PPARGC1A: variants seen among roughly 807,000 people sequenced by gnomAD.
PPARGC1A encodes the protein PPARG coactivator 1 alpha, also known as peroxisome proliferator-activated receptor gamma coactivator 1-alpha.
Under a neutral mutation model 88.7 loss-of-function variants are expected in PPARGC1A, and 25 were observed. The ratio of observed to expected loss-of-function variants is 0.28; its 90% CI spans 0.21 to 0.39. The LOEUF (loss-of-function observed/expected upper bound fraction) is 0.39. Ranked by LOEUF, PPARGC1A falls within the 10% of genes least tolerant of loss-of-function variation. PPARGC1A has a pLI of 1.00. For synonymous variants in PPARGC1A, 363 were observed against 355.6 expected (o/e 1.02, Z -0.24); for missense variants, 880 against 968.7 (o/e 0.91, Z 1.22).
At chr4:23,801,212 CAT>C (rs1012929130) in intron 12 of PPARGC1A, among the ~76,000 whole-genome samples, 4 of 137,558 alleles carry the variant, frequency 2.9e-5, no homozygotes, top group South Asian at 2.4e-4. Context: ...CACACACACA[CAT>C]GAATCATAAA....
intron 2 of PPARGC1A, among the ~76,000 whole-genome samples, chr4:23,834,895 C>A (rs559278034): frequency 6.6e-6 from 1 of 152,210 alleles, no homozygotes; most frequent in East Asian, 1.9e-4. Context: ...AAAAAATCAT[C>A]TCAAAGTCAT....
At chr4:23,889,063 C>A in intron 1 of PPARGC1A, 1 of 985,354 alleles carries the variant, frequency 1.0e-6, no homozygotes. Flanking sequence ...CCAGAGATTA[C>A]GAGGAAACTG....
At chr4:23,973,518 TG>T in the PPARGC1A span, among the ~76,000 whole-genome samples, 1 of 152,244 alleles carries the variant, frequency 6.6e-6, no homozygotes, top group Admixed American at 6.5e-5. Context: ...TATGTTTCTA[TG>T]GTGTTTGATG....
At chr4:24,067,992 A>G in the PPARGC1A span, among the ~76,000 whole-genome samples, 2 of 151,972 alleles carry the variant, frequency 1.3e-5, no homozygotes, top group Non-Finnish European at 2.9e-5. Flanking sequence ...GTGAGCACAT[A>G]TGTGTGTGCT....
At chr4:23,976,978 A>G in the PPARGC1A span, among the ~76,000 whole-genome samples, 898 of 152,092 alleles carry the variant, frequency 5.9e-3, 6 homozygotes, top group African/African-American at 0.02. Context: ...GAAAAGGAAG[A>G]AGGAGGAGGA....
At chr4:24,202,640 C>T in the PPARGC1A span, among the ~76,000 whole-genome samples, 67 of 152,268 alleles carry the variant, frequency 4.4e-4, no homozygotes, top group Non-Finnish European at 7.6e-4. Context: ...TGAGTCAACT[C>T]TCTTCTTCCT....
chr4:23,852,437 C>T (rs1729465568), intron 2 of PPARGC1A, among the ~76,000 whole-genome samples: 1 of 147,422 alleles, frequency 6.8e-6, no homozygotes, highest in Non-Finnish European at 1.5e-5. Context: ...ACCCCTACAG[C>T]CCTGACATAG....
chr4:23,958,923 A>T, the PPARGC1A span, among the ~76,000 whole-genome samples: 2 of 151,748 alleles, frequency 1.3e-5, no homozygotes, highest in African/African-American at 4.8e-5. Flanking sequence ...TAAAGGGCTT[A>T]TTCATATTGA....
At chr4:24,251,125 A>G in the PPARGC1A span, among the ~76,000 whole-genome samples, 1 of 152,368 alleles carries the variant, frequency 6.6e-6, no homozygotes, top group African/African-American at 2.4e-5. Context: ...TGCTAGTTAT[A>G]GCTTCCTAGT....
At chr4:23,958,996 C>T in the PPARGC1A span, among the ~76,000 whole-genome samples, 1 of 142,054 alleles carries the variant, frequency 7.0e-6, no homozygotes, top group African/African-American at 2.6e-5. Flanking sequence ...TTAGCTAGTA[C>T]TCTTGATGTA....
chr4:24,454,353 TA>T, the PPARGC1A span, among the ~76,000 whole-genome samples: 29 of 152,090 alleles, frequency 1.9e-4, no homozygotes, highest in Admixed American at 1.8e-3. Context: ...TAGTTTTTGG[TA>T]CACTGAAAAA....
chr4:24,077,145 G>T, the PPARGC1A span, among the ~76,000 whole-genome samples: 2 of 152,176 alleles, frequency 1.3e-5, no homozygotes, highest in Admixed American at 6.5e-5. Flanking sequence ...CAGGCATTCT[G>T]CACAGCTGAC....
At position 23,835,466 on chromosome 4, in the gene PPARGC1A, TTGTGTGTGTGTGTG is replaced by T. The variant is rs145407468; in HGVS notation, c.235-3729_235-3716del. 1.7e-4 allele frequency among the ~76,000 whole-genome samples: 23 copies of T among 135,368 alleles called. 1 individual carries two copies. The South Asian group carries it at 2.9e-3, about 17-fold the overall frequency. 88.8% of individuals were successfully genotyped at this position (135,368 alleles called of 152,430 possible). A position where few individuals can be genotyped will look rare whatever the true frequency, so the allele number is the denominator to read the frequency against. Reference sequence around the variant, plus strand: ...TAAGATGGGAGATTAGCATGGCGGCTTGTGTGTGTGTGTGTGTGTGTGTGTGTGTGTGTGTGTGT... The same window carrying T: ...TAAGATGGGAGATTAGCATGGCGGCTTGTGTGTGTGTGTGTGTGTGTGTGT... On this transcript the variant is annotated intron_variant, in intron 2 of 12. Coordinates refer to ENST00000264867, the MANE Select transcript of PPARGC1A (RefSeq NM_013261.5).
At chr4:23,818,568 T>C (rs923028066) in intron 7 of PPARGC1A, among the ~76,000 whole-genome samples, 1 of 152,034 alleles carries the variant, frequency 6.6e-6, no homozygotes, top group Non-Finnish European at 1.5e-5. Context: ...ATGTGCTCCA[T>C]AATAAACAAG....
At chr4:23,874,962 A>G (rs896253118) in intron 2 of PPARGC1A, among the ~76,000 whole-genome samples, 4 of 152,264 alleles carry the variant, frequency 2.6e-5, no homozygotes, top group African/African-American at 4.8e-5. Context: ...CTAAAGCTAG[A>G]TATCAAAAAT....
At chr4:23,980,045 C>T in the PPARGC1A span, among the ~76,000 whole-genome samples, 14 of 152,056 alleles carry the variant, frequency 9.2e-5, no homozygotes, top group African/African-American at 2.4e-4. Context: ...CCTCAGAAGA[C>T]CCTGGCCCTT....
the PPARGC1A span, among the ~76,000 whole-genome samples, chr4:23,984,877 T>A: frequency 2.0e-5 from 3 of 152,082 alleles, no homozygotes; most frequent in Admixed American, 2.0e-4. Context: ...TGGCCAGTGG[T>A]CAGACAGGAT....
At chr4:23,965,407 G>A in the PPARGC1A span, among the ~76,000 whole-genome samples, 1 of 152,144 alleles carries the variant, frequency 6.6e-6, no homozygotes, top group Non-Finnish European at 1.5e-5. Flanking sequence ...AGCTTGCAGA[G>A]CACGAATGAA....
chr4:24,333,341 A>T, the PPARGC1A span, among the ~76,000 whole-genome samples: 4 of 152,108 alleles, frequency 2.6e-5, no homozygotes, highest in Non-Finnish European at 5.9e-5. Context: ...ACTTTTAAAA[A>T]TTTTTTAATC....
Sources: allele counts gnomAD v4.1 joint callset (sites outside exome capture counted in the v4.1 genomes callset), GRCh38; gene constraint gnomAD v4.1.1; transcripts MANE v1.5; gene names NCBI Gene and HGNC (gene_info 2026-07-23, HGNC 2026-07-21).